Variants in RNF130 observed in about 807,000 individuals in gnomAD.
RNF130 encodes E3 ubiquitin-protein ligase RNF130.
A neutral mutation model predicts 44.6 loss-of-function variants in RNF130; 21 were observed. The ratio of observed to expected loss-of-function variants is 0.47; its 90% CI spans 0.33 to 0.68. The LOEUF (loss-of-function observed/expected upper bound fraction) is 0.68. Ranked by LOEUF, RNF130 falls within the 30% of genes least tolerant of loss-of-function variation. The pLI is 0.02. For missense variants in RNF130, 479 were observed against 560.6 expected (o/e 0.85, Z 1.47); for synonymous variants, 214 against 210.4 (o/e 1.02, Z -0.15).
At chr5:179,974,107 C>T (rs904187887) in intron 5 of RNF130, among the ~76,000 whole-genome samples, 5 of 152,186 alleles carry the variant, frequency 3.3e-5, no homozygotes, top group East Asian at 1.9e-4. Context: ...AAGAACCTGG[C>T]AAATATAAAA....
Position 179,945,715 on chromosome 5 carries a change from A to G in RNF130, c.1150+21091T>C, listed in dbSNP as rs570176469. ...GACTCCAGAGGGACAATGGAAATTC[A>G]ATTTGCTTTGCCCTAAGCTTATGAG... On this transcript the variant is annotated intron_variant, in intron 7 of 7. Coordinates refer to the RNF130 transcript ENST00000522208. 5.9e-3 allele frequency among the ~76,000 whole-genome samples: 893 copies of G among 152,156 alleles called. 5 individuals carry two copies. Among genetic ancestry groups the G allele is most frequent in the Non-Finnish European group, 7.1e-3 (483 of 67,990 alleles).
intron 3 of RNF130, among the ~76,000 whole-genome samples, chr5:179,987,773 T>G (rs942606709): frequency 6.6e-6 from 1 of 152,254 alleles, no homozygotes; most frequent in Admixed American, 6.5e-5. Context: ...TCATGACTAT[T>G]GACTTGCAAA....
intron 3 of RNF130, among the ~76,000 whole-genome samples, chr5:180,007,255 G>C (rs917261558): frequency 2.0e-5 from 3 of 152,078 alleles, no homozygotes; most frequent in African/African-American, 7.2e-5. Flanking sequence ...ACAAAAATTA[G>C]CCAGGCATGG....
rs186953935 is a variant in RNF130, at chr5:179,919,892, C to T, written c.*425G>A. ...CAGGTCAGGGAGCAGCACCTGTACT[C>T]CACGCGGGTAGGAAGCTTCTCCCAC... On this transcript the variant is annotated 3_prime_UTR_variant, in exon 8 of 8. Coordinates refer to the RNF130 transcript ENST00000522208. The T allele has an allele frequency of 1.2e-3, 192 of 159,870 alleles. 1 individual carries two copies. Among genetic ancestry groups the T allele is most frequent in the Middle Eastern group, 9.9e-3 (3 of 302 alleles). The allele number at this position is 159,870 out of a possible 1,614,324, so 9.9% of individuals were successfully genotyped here.
At chr5:179,932,372 C>T (rs1365307787) in intron 7 of RNF130, among the ~76,000 whole-genome samples, 2 of 152,020 alleles carry the variant, frequency 1.3e-5, no homozygotes, top group Non-Finnish European at 2.9e-5. Flanking sequence ...ATTCTCCTCC[C>T]TCAGCCTCCT....
chr5:180,059,903 C>T (rs1223445682), intron 1 of RNF130, among the ~76,000 whole-genome samples: 1 of 152,140 alleles, frequency 6.6e-6, no homozygotes, highest in Non-Finnish European at 1.5e-5. Flanking sequence ...GGTTACAGAG[C>T]AAGGGGGAAC....
chr5:179,991,738 T>A (rs550986978), intron 3 of RNF130, among the ~76,000 whole-genome samples: 1 of 152,296 alleles, frequency 6.6e-6, no homozygotes, highest in East Asian at 1.9e-4. Flanking sequence ...TTACATTTAT[T>A]GTGCCCTTTA....
chr5:180,002,505 G>A (rs778417765), intron 3 of RNF130, among the ~76,000 whole-genome samples: 1 of 152,188 alleles, frequency 6.6e-6, no homozygotes, highest in Non-Finnish European at 1.5e-5. Flanking sequence ...CAGGGATTGA[G>A]GCACAGTGTC....
chr5:179,996,322 C>T (rs1763195737), intron 3 of RNF130, among the ~76,000 whole-genome samples: 1 of 152,202 alleles, frequency 6.6e-6, no homozygotes, highest in African/African-American at 2.4e-5. Context: ...TGCAACTTTA[C>T]TTATCAGTCC....
At chr5:180,031,301 G>C (rs143287197) in intron 2 of RNF130, among the ~76,000 whole-genome samples, 39 of 152,194 alleles carry the variant, frequency 2.6e-4, no homozygotes, top group Non-Finnish European at 5.3e-4. Flanking sequence ...AGCCCGGCCA[G>C]TATGGCGAAA....
chr5:179,976,134 A>ACC (rs1462227492), intron 5 of RNF130, among the ~76,000 whole-genome samples: 5 of 152,222 alleles, frequency 3.3e-5, no homozygotes, highest in African/African-American at 1.2e-4. Context: ...GGCCTGGGCA[A>ACC]CATAGTGAGA....
chr5:179,948,454 G>A (rs1762076139), intron 7 of RNF130, among the ~76,000 whole-genome samples: 1 of 152,168 alleles, frequency 6.6e-6, no homozygotes, highest in South Asian at 2.1e-4. Context: ...CGGATCACCT[G>A]AGGTCAGGAG....
At chr5:179,989,066 C>T (rs956119359) in intron 3 of RNF130, among the ~76,000 whole-genome samples, 1 of 152,188 alleles carries the variant, frequency 6.6e-6, no homozygotes, top group African/African-American at 2.4e-5. Context: ...TTCCGCATGG[C>T]TAAGAAGGCC....
chr5:179,922,835 G>A (rs1561658621), intron 7 of RNF130, among the ~76,000 whole-genome samples: 2 of 151,956 alleles, frequency 1.3e-5, no homozygotes, highest in Non-Finnish European at 2.9e-5. Context: ...TTGGGAGGCA[G>A]AGGTGGGAGG....
At chr5:180,022,564 G>A (rs1244718836) in intron 2 of RNF130, among the ~76,000 whole-genome samples, 1 of 152,178 alleles carries the variant, frequency 6.6e-6, no homozygotes, top group African/African-American at 2.4e-5. Context: ...TATGGCCACA[G>A]GGATACAGCC....
At chr5:179,944,034 C>T (rs1307544461) in intron 7 of RNF130, among the ~76,000 whole-genome samples, 1 of 151,290 alleles carries the variant, frequency 6.6e-6, no homozygotes, top group African/African-American at 2.4e-5. Flanking sequence ...TGCAACGGCG[C>T]GATCTTGGCT....
At position 179,990,205 on chromosome 5, in the gene RNF130, A is replaced by G. The variant is rs189361501; in HGVS notation, c.694-10005T>C. ...GCTGCACTGTTATTTATTGGATACA[A>G]AGTAAAAGGGGCAGGGTAAAGAGTT... is the stretch of plus-strand genomic sequence containing the variant. On this transcript the variant is annotated intron_variant, in intron 3 of 8. Transcript: ENST00000521389. 1.4e-3 allele frequency among the ~76,000 whole-genome samples: 220 copies of G among 152,306 alleles called. 2 individuals are homozygous for G. The highest frequency in any genetic ancestry group is 5.1e-3 in the African/African-American group (212 of 41,582).
At chr5:180,059,913 C>T (rs1764933965) in intron 1 of RNF130, among the ~76,000 whole-genome samples, 1 of 152,100 alleles carries the variant, frequency 6.6e-6, no homozygotes, top group Admixed American at 6.6e-5. Context: ...CAAGGGGGAA[C>T]TAGGTTGCAG....
intron 1 of RNF130, among the ~76,000 whole-genome samples, chr5:180,068,812 C>T (rs1765170510): frequency 6.6e-6 from 1 of 152,114 alleles, no homozygotes; most frequent in South Asian, 2.1e-4. Context: ...ATGAATTTCA[C>T]GTATTGGCCA....
Sources: allele counts gnomAD v4.1 joint callset (sites outside exome capture counted in the v4.1 genomes callset), GRCh38; gene constraint gnomAD v4.1.1; transcripts MANE v1.5; gene names NCBI Gene and HGNC (gene_info 2026-07-23, HGNC 2026-07-21).